ADAMTS19: variants seen among roughly 807,000 people sequenced by gnomAD.
ADAMTS19 encodes the protein ADAM metallopeptidase with thrombospondin type 1 motif 19, also known as A disintegrin and metalloproteinase with thrombospondin motifs 19.
Under a neutral mutation model 153.3 loss-of-function variants are expected in ADAMTS19, and 93 were observed. The ratio of observed to expected loss-of-function variants is 0.61; its 90% CI spans 0.51 to 0.72. The LOEUF is 0.72. ADAMTS19 is among the 30% of genes least tolerant of loss of function. ADAMTS19 has a pLI of 0.00. For missense variants in ADAMTS19, 1,482 were observed against 1,552.1 expected (o/e 0.95, Z 0.76); for synonymous variants, 600 against 556.6 (o/e 1.08, Z -1.10).
chr5:129,635,168 G>A (rs1462032788), intron 10 of ADAMTS19, among the ~76,000 whole-genome samples: 2 of 151,856 alleles, frequency 1.3e-5, no homozygotes, highest in Non-Finnish European at 1.5e-5. Flanking sequence ...TATGAACATC[G>A]CTGATCACTA....
chr5:129,732,396 T>C (rs1757476905), intron 21 of ADAMTS19, among the ~76,000 whole-genome samples: 1 of 152,082 alleles, frequency 6.6e-6, no homozygotes, highest in African/African-American at 2.4e-5. Flanking sequence ...CTGTGTTTGC[T>C]GATAATAAGT....
chr5:129,495,764 G>A (rs1456257207), intron 2 of ADAMTS19, among the ~76,000 whole-genome samples: 1 of 152,102 alleles, frequency 6.6e-6, no homozygotes, highest in Admixed American at 6.6e-5. Context: ...CTTAAAACGT[G>A]ATGCATGGTC....
chr5:129,710,153 G>A (rs1475032347), intron 21 of ADAMTS19, among the ~76,000 whole-genome samples: 1 of 152,028 alleles, frequency 6.6e-6, no homozygotes, highest in African/African-American at 2.4e-5. Context: ...GCCCTAGTGT[G>A]TGTTGTTCCT....
chr5:129,591,589 A>T (rs939141326), intron 7 of ADAMTS19, among the ~76,000 whole-genome samples: 8 of 152,182 alleles, frequency 5.3e-5, no homozygotes, highest in South Asian at 4.1e-4. Context: ...AACCATACCC[A>T]GCCAAAGTCA....
chr5:129,721,376 T>C, intron 21 of ADAMTS19, among the ~76,000 whole-genome samples: 1 of 152,196 alleles, frequency 6.6e-6, no homozygotes, highest in Non-Finnish European at 1.5e-5. Flanking sequence ...TGTGCTATTT[T>C]AGACCTAATT....
rs200354087 is a variant in ADAMTS19 at position 129,524,576 on chromosome 5, C to G, written c.914-1708C>G. 2.8e-4 allele frequency among the ~76,000 whole-genome samples: 42 copies of G among 150,986 alleles called. 1 individual carries two copies. The East Asian group carries it at 5.5e-3, about 20-fold the overall frequency. ...TATCCATCTGACAAAGGGCTAATAT[C>G]CAGAATCTATAAGGAACTTAAACAA... On this transcript the variant is annotated intron_variant, in intron 3 of 22. Coordinates refer to ENST00000274487, the MANE Select transcript of ADAMTS19 (RefSeq NM_133638.6).
chr5:129,659,601 T>G (rs1235170432), intron 15 of ADAMTS19, among the ~76,000 whole-genome samples: 2 of 152,176 alleles, frequency 1.3e-5, no homozygotes, highest in East Asian at 3.9e-4. Flanking sequence ...TAGATGTGCT[T>G]TTTGAGAGAG....
At chr5:129,589,133 C>T (rs1386209979) in intron 7 of ADAMTS19, among the ~76,000 whole-genome samples, 1 of 151,740 alleles carries the variant, frequency 6.6e-6, no homozygotes, top group Non-Finnish European at 1.5e-5. Context: ...TAATTTTATG[C>T]TATTGAATTC....
At chr5:129,530,252 A>G (rs1752152330) in intron 6 of ADAMTS19, among the ~76,000 whole-genome samples, 2 of 152,194 alleles carry the variant, frequency 1.3e-5, no homozygotes, top group Non-Finnish European at 2.9e-5. Context: ...TGACCTCAAG[A>G]TAGCCTAGAT....
chr5:129,699,708 C>T (rs940393644), intron 19 of ADAMTS19, among the ~76,000 whole-genome samples: 1 of 152,002 alleles, frequency 6.6e-6, no homozygotes, highest in African/African-American at 2.4e-5. Flanking sequence ...GTGGGGCTGG[C>T]TGTCAAGGAT....
rs1751732674 is a variant in ADAMTS19 at position 129,620,554 on chromosome 5, T to C, written c.1479-64T>C. 4.0e-6 allele frequency: 5 copies of C among 1,242,194 alleles called. No individual in the cohort carries two copies. The South Asian group carries it at 1.2e-4, about 30-fold the overall frequency. The allele number at this position is 1,242,194 out of a possible 1,614,324, so 76.9% of individuals were successfully genotyped here. On this transcript the variant is annotated intron_variant, in intron 8 of 22. Transcript: ENST00000274487. ...TTTAACCGTTATTTAACTGCAGTTA[T>C]AAAAAGTTAACAAGTAACATTTACT...
At chr5:129,493,415 C>T (rs1185976320) in intron 2 of ADAMTS19, among the ~76,000 whole-genome samples, 1 of 152,118 alleles carries the variant, frequency 6.6e-6, no homozygotes, top group South Asian at 2.1e-4. Flanking sequence ...GTGCTATAAT[C>T]ATATGTATAC....
intron 21 of ADAMTS19, among the ~76,000 whole-genome samples, chr5:129,704,939 A>G (rs369539821): frequency 4.7e-4 from 72 of 152,332 alleles, no homozygotes; most frequent in African/African-American, 1.7e-3. Context: ...TCACGATAAC[A>G]GTAATGCCTA....
rs17163192 is a variant in ADAMTS19 at position 129,658,524 on chromosome 5, T to C, written c.2305-93T>C. 9,614 of 1,222,230 alleles carry C rather than the reference T, an allele frequency of 7.9e-3. 529 individuals are homozygous for C. The African/African-American group carries it at 0.13, about 16-fold the overall frequency. 75.7% of individuals were successfully genotyped at this position (1,222,230 alleles called of 1,614,324 possible). Reference sequence around the variant, plus strand: ...TTCATAAGTTTTACAATTAAATATATCTGGTTTATAGAGACTAGGTTTGTC... The same window carrying C: ...TTCATAAGTTTTACAATTAAATATACCTGGTTTATAGAGACTAGGTTTGTC... On this transcript the variant is annotated intron_variant, in intron 14 of 22. Transcript: ENST00000274487.
chr5:129,600,464 T>G (rs369728880), intron 8 of ADAMTS19, among the ~76,000 whole-genome samples: 1 of 152,278 alleles, frequency 6.6e-6, no homozygotes, highest in African/African-American at 2.4e-5. Flanking sequence ...CAAGAATACC[T>G]TTATAATCAC....
At chr5:129,598,422 T>C (rs989246573) in intron 8 of ADAMTS19, among the ~76,000 whole-genome samples, 1 of 152,162 alleles carries the variant, frequency 6.6e-6, no homozygotes, top group Non-Finnish European at 1.5e-5. Context: ...ACAATTTACA[T>C]TGGACATGAC....
chr5:129,704,026 C>G (rs1195459404), intron 20 of ADAMTS19, among the ~76,000 whole-genome samples: 1 of 152,030 alleles, frequency 6.6e-6, no homozygotes, highest in Admixed American at 6.6e-5. Context: ...TTTCTGAAAC[C>G]ACTTATCTCC....
chr5:129,588,974 C>G (rs903212302), intron 7 of ADAMTS19, among the ~76,000 whole-genome samples: 5 of 151,020 alleles, frequency 3.3e-5, no homozygotes, highest in African/African-American at 1.2e-4. Context: ...TTTTCTTTTC[C>G]CCTATTATTT....
rs371039036 is a variant in ADAMTS19 at position 129,528,644 on chromosome 5, T to C, written c.1295T>C (p.Met432Thr). ...ATGTCAACAAACTGGGGGGAAGACA[T>C]GACTTCAGTGGATGCAGCTATACTT... ...LEMSTNWGED[M>T]TSVDAAILIT... is the part of the protein sequence containing the mutation. The change falls in exon 6 of 23, where the codon ATG (methionine) becomes ACG (threonine). Residue 432 changes from methionine to threonine, a missense_variant. Met to Thr is a moderately conservative substitution (Grantham distance 81). Around this residue, in one of 2 missense-constraint regions of ADAMTS19, gnomAD observed 866 missense variants for 827.7 expected, o/e 1.05. Coordinates refer to ENST00000274487, the MANE Select transcript of ADAMTS19 (RefSeq NM_133638.6). 6.2e-5 allele frequency: 99 copies of C among 1,601,118 alleles called. No homozygotes were observed. Among genetic ancestry groups the C allele is most frequent in the Admixed American group, 2.8e-4 (16 of 57,290 alleles).
Sources: gnomAD v4.1 joint callset for allele counts (sites outside exome capture counted in the v4.1 genomes callset) on GRCh38, gnomAD v4.1.1 for gene constraint, gnomAD v4.1.1 regional missense constraint, MANE v1.5 for transcripts, NCBI Gene and HGNC (gene_info 2026-07-23, HGNC 2026-07-21) for gene names.